The following TENM4 variants were observed in gnomAD, a reference collection of about 807,000 sequenced individuals.
The protein encoded by TENM4 is teneurin-4.
TENM4 carries 82 observed loss-of-function variants against 243.3 expected under a neutral mutation model. That is an observed-to-expected ratio of 0.34 (90% CI 0.28 to 0.40). The LOEUF (loss-of-function observed/expected upper bound fraction) is 0.40. Among genes scored for constraint, TENM4 ranks in the 10% least tolerant of loss-of-function variants. The pLI is 1.00. For missense variants in TENM4, 3,138 were observed against 3,673.3 expected, an observed-to-expected ratio of 0.85 and a Z score of 3.77; for synonymous variants, 1,412 against 1,456.3, an observed-to-expected ratio of 0.97 and a Z score of 0.69.
In TENM4 at chr11:78,970,247, T is replaced by C. The variant is rs116748049; in HGVS notation, c.494-66724A>G. 4.2e-3 allele frequency among the ~76,000 whole-genome samples: 636 copies of C among 152,236 alleles called. 4 individuals are homozygous for C. Among genetic ancestry groups the C allele is most frequent in the African/African-American group, 0.015 (607 of 41,550 alleles). On this transcript the variant is annotated intron_variant, in intron 6 of 33. Coordinates refer to ENST00000278550, the MANE Select transcript of TENM4 (RefSeq NM_001098816.3). ...TATCCTGCCAAAGAGGGACCACGTA[T>C]TGCTCACCTATGTGTTCTGGTCTTA...
At chr11:78,884,053 C>T (rs1855493312) in intron 9 of TENM4, among the ~76,000 whole-genome samples, 1 of 152,236 alleles carries the variant, frequency 6.6e-6, no homozygotes, top group Admixed American at 6.5e-5. Context: ...CTAACTTTTA[C>T]TGAGTGCTCT....
intron 4 of TENM4, among the ~76,000 whole-genome samples, chr11:79,100,041 A>T (rs1028154195): frequency 6.6e-6 from 1 of 152,120 alleles, no homozygotes; most frequent in Non-Finnish European, 1.5e-5. Context: ...ATCTTTAGCA[A>T]TCTTTGCCTG....
At chr11:79,205,212 G>T (rs936129461) in intron 3 of TENM4, among the ~76,000 whole-genome samples, 1 of 152,102 alleles carries the variant, frequency 6.6e-6, no homozygotes, top group African/African-American at 2.4e-5. Context: ...CAAGAGAGAG[G>T]TCCCTTTTAC....
chr11:79,185,574 C>G (rs1863366715), intron 3 of TENM4, among the ~76,000 whole-genome samples: 1 of 152,134 alleles, frequency 6.6e-6, no homozygotes, highest in East Asian at 1.9e-4. Context: ...AGGAGACAAT[C>G]AATGTGGAAT....
chr11:78,844,633 T>G (rs1344963115), intron 12 of TENM4, among the ~76,000 whole-genome samples: 1 of 150,172 alleles, frequency 6.7e-6, no homozygotes, highest in African/African-American at 2.5e-5. Flanking sequence ...AGAGTGAGAC[T>G]CTGTCTAAAA....
intron 3 of TENM4, among the ~76,000 whole-genome samples, chr11:79,185,644 T>C (rs189693773): frequency 1.8e-3 from 273 of 152,330 alleles, no homozygotes; most frequent in African/African-American, 6.2e-3. Flanking sequence ...TTCACATTGC[T>C]TGGACCACAT....
At chr11:79,079,865 G>A (rs940806055) in intron 4 of TENM4, among the ~76,000 whole-genome samples, 5 of 150,888 alleles carry the variant, frequency 3.3e-5, no homozygotes, top group Non-Finnish European at 7.4e-5. Context: ...AAGAAAATGT[G>A]TTCGGATTGA....
intron 2 of TENM4, among the ~76,000 whole-genome samples, chr11:79,288,798 T>C (rs983156246): frequency 2.0e-5 from 3 of 151,868 alleles, no homozygotes; most frequent in South Asian, 2.1e-4. Context: ...ATTGGAAATA[T>C]AAAACTAGGG....
intron 3 of TENM4, among the ~76,000 whole-genome samples, chr11:79,204,730 C>T (rs1938821): frequency 0.38 from 57,532 of 151,984 alleles, 11,238 homozygotes; most frequent in East Asian, 0.61. Flanking sequence ...CCATCCTATG[C>T]GCTCCTAGGG....
At chr11:79,145,629 G>C (rs77050803) in intron 4 of TENM4, among the ~76,000 whole-genome samples, 61 of 152,202 alleles carry the variant, frequency 4.0e-4, no homozygotes, top group Admixed American at 2.3e-3. Flanking sequence ...GTGGATATCT[G>C]TGTACATATC....
chr11:78,979,314 C>T (rs1383866960), intron 6 of TENM4, among the ~76,000 whole-genome samples: 1 of 152,222 alleles, frequency 6.6e-6, no homozygotes, highest in Non-Finnish European at 1.5e-5. Context: ...GGTCCCTCAC[C>T]TGCCTTTGGG....
At chr11:79,302,062 T>C (rs1057409298) in intron 1 of TENM4, among the ~76,000 whole-genome samples, 2 of 152,216 alleles carry the variant, frequency 1.3e-5, no homozygotes, top group Admixed American at 1.3e-4. Context: ...CTATCCGGAA[T>C]TTAGCATGGT....
At chr11:79,034,417 C>G (rs1419467549) in intron 6 of TENM4, among the ~76,000 whole-genome samples, 2 of 152,096 alleles carry the variant, frequency 1.3e-5, no homozygotes, top group Non-Finnish European at 2.9e-5. Flanking sequence ...TATGAAGGCG[C>G]AATCCTTATT....
At chr11:79,034,234 T>C (rs1836642) in intron 6 of TENM4, among the ~76,000 whole-genome samples, 128,502 of 152,210 alleles carry the variant, frequency 0.84, 55,235 homozygotes, top group Non-Finnish European at 0.94. Context: ...TCATCATGTA[T>C]ATGGAAAAAG....
intron 3 of TENM4, among the ~76,000 whole-genome samples, chr11:79,163,492 C>T (rs1862802075): frequency 6.6e-6 from 1 of 151,662 alleles, no homozygotes; most frequent in Admixed American, 6.6e-5. Flanking sequence ...CACCCATCAC[C>T]CGAGCAGTGC....
intron 8 of TENM4, among the ~76,000 whole-genome samples, chr11:78,890,240 C>G (rs1358015849): frequency 1.3e-5 from 2 of 152,136 alleles, no homozygotes; most frequent in African/African-American, 4.8e-5. Context: ...ACGGATGGGA[C>G]AGCCCTACCC....
At chr11:79,204,979 G>A (rs1453038502) in intron 3 of TENM4, among the ~76,000 whole-genome samples, 2 of 152,178 alleles carry the variant, frequency 1.3e-5, no homozygotes, top group Non-Finnish European at 2.9e-5. Flanking sequence ...TGTGGATACT[G>A]TACATACATA....
intron 6 of TENM4, among the ~76,000 whole-genome samples, chr11:79,015,454 T>C (rs1434720544): frequency 6.7e-6 from 1 of 149,406 alleles, no homozygotes; most frequent in African/African-American, 2.5e-5. Context: ...ACACTGCTGA[T>C]TTCATGAGAA....
intron 28 of TENM4, 149 bp from the exon 29 acceptor site, chr11:78,688,375 G>T: frequency 1.2e-6 from 1 of 850,570 alleles, no homozygotes; most frequent in Non-Finnish European, 1.8e-6. Context: ...ATCTTGCACA[G>T]GACCTGGTAC....
Sources: gnomAD v4.1 joint callset for allele counts (sites outside exome capture counted in the v4.1 genomes callset) on GRCh38, gnomAD v4.1.1 for gene constraint, MANE v1.5 for transcripts, NCBI Gene and HGNC (gene_info 2026-07-23, HGNC 2026-07-21) for gene names.